PARD3: variants seen among roughly 807,000 people sequenced by gnomAD.
PARD3 encodes the protein partitioning defective 3 homolog.
In PARD3, 75 loss-of-function variants were observed where a neutral mutation model predicts 155.4. The ratio of observed to expected loss-of-function variants is 0.48; its 90% CI spans 0.40 to 0.58. PARD3 has a LOEUF of 0.58. PARD3 is among the 20% of genes least tolerant of loss of function. PARD3 has a pLI of 0.00. For synonymous variants in PARD3, 576 were observed against 610.5 expected (o/e 0.94, Z 0.83); for missense variants, 1,642 against 1,721.7 (o/e 0.95, Z 0.82).
chr10:34,691,018 G>A (rs1344030742), intron 2 of PARD3, among the ~76,000 whole-genome samples: 1 of 152,138 alleles, frequency 6.6e-6, no homozygotes, highest in Non-Finnish European at 1.5e-5. Flanking sequence ...TTTGAGACAA[G>A]CCTTGGCAAC....
intron 22 of PARD3, among the ~76,000 whole-genome samples, chr10:34,155,137 A>G (rs1294211668): frequency 6.6e-6 from 1 of 152,184 alleles, no homozygotes; most frequent in African/African-American, 2.4e-5. Flanking sequence ...CTGGGTTTGG[A>G]GTGAGGAATT....
chr10:34,528,857 G>GC (rs2082648125), intron 2 of PARD3, among the ~76,000 whole-genome samples: 1 of 152,146 alleles, frequency 6.6e-6, no homozygotes, highest in Admixed American at 6.6e-5. Context: ...AGTCATGAGG[G>GC]CCAAGGCTAA....
chr10:34,131,153 A>G (rs189091844), intron 23 of PARD3, among the ~76,000 whole-genome samples: 6 of 152,356 alleles, frequency 3.9e-5, no homozygotes, highest in African/African-American at 9.6e-5. Flanking sequence ...GATTCTGAGA[A>G]TATGTATCTA....
In PARD3 at chr10:34,601,066, C is replaced by T. The variant is rs137996990; in HGVS notation, c.223-83907G>A. On this transcript the variant is annotated intron_variant, in intron 2 of 24. Coordinates refer to ENST00000374788, the MANE Select transcript of PARD3 (RefSeq NM_001184785.2). ...ACTCAAGCAATCCTCCTGCATCGGTCTCCCAAAGTGCACGCATTACAGGCG... is the reference window on the plus strand; with the variant it reads ...ACTCAAGCAATCCTCCTGCATCGGTTTCCCAAAGTGCACGCATTACAGGCG... 2.5e-3 allele frequency among the ~76,000 whole-genome samples: 358 copies of T among 142,778 alleles called. 1 individual carries two copies. The highest frequency in any genetic ancestry group is 8.5e-3 in the African/African-American group (328 of 38,612). 93.7% of individuals were successfully genotyped at this position (142,778 alleles called of 152,430 possible).
At chr10:34,533,219 T>C (rs1425045763) in intron 2 of PARD3, among the ~76,000 whole-genome samples, 1 of 152,080 alleles carries the variant, frequency 6.6e-6, no homozygotes, top group African/African-American at 2.4e-5. Flanking sequence ...AAGTAAACAA[T>C]GTTTTAAGTA....
At chr10:34,337,126 G>T in intron 17 of PARD3, 149 bp downstream of exon 17, 1 of 480,456 alleles carries the variant, frequency 2.1e-6, no homozygotes, top group Non-Finnish European at 3.6e-6. Context: ...TCTCAAACTG[G>T]GAGAAAAACT....
intron 22 of PARD3, among the ~76,000 whole-genome samples, chr10:34,201,622 C>T (rs749057930): frequency 1.3e-5 from 2 of 152,050 alleles, no homozygotes; most frequent in Admixed American, 6.6e-5. Flanking sequence ...AATTAACATA[C>T]AGTAAAATGG....
At chr10:34,424,662 G>A (rs1239387225) in intron 5 of PARD3, among the ~76,000 whole-genome samples, 1 of 151,866 alleles carries the variant, frequency 6.6e-6, no homozygotes, top group East Asian at 1.9e-4. Context: ...CTACAGGCGC[G>A]CACCACCACG....
rs569541230 is a variant in PARD3, at chr10:34,213,138, C to T, written c.3419+56519G>A. Among the ~76,000 whole-genome samples, 223 of 152,240 alleles carry T rather than the reference C, an allele frequency of 1.5e-3. 1 individual carries two copies. Among genetic ancestry groups the T allele is most frequent in the African/African-American group, 4.9e-3 (205 of 41,526 alleles). On this transcript the variant is annotated intron_variant, in intron 22 of 24. Transcript: ENST00000374788. The stretch of plus-strand genomic sequence containing the variant: ...TTTACTTGGCCCACAATTCTGGTGG[C>T]TAGAAGGTTCAAGATTGGGCAGCTG...
intron 1 of PARD3, among the ~76,000 whole-genome samples, chr10:34,708,988 C>A (rs1193820058): frequency 6.6e-6 from 1 of 152,058 alleles, no homozygotes; most frequent in Non-Finnish European, 1.5e-5. Flanking sequence ...GCCATGTCTG[C>A]AAATAGTGCA....
intron 6 of PARD3, among the ~76,000 whole-genome samples, chr10:34,399,833 C>A (rs1652223392): frequency 6.6e-6 from 1 of 152,202 alleles, no homozygotes; most frequent in African/African-American, 2.4e-5. Context: ...GATGTTGCAG[C>A]TACCAAGGAC....
intron 2 of PARD3, among the ~76,000 whole-genome samples, chr10:34,624,989 G>A (rs2091908390): frequency 6.6e-6 from 1 of 152,178 alleles, no homozygotes; most frequent in Non-Finnish European, 1.5e-5. Context: ...ACATACAAGA[G>A]CTAAGAAAGG....
Position 34,113,924 on chromosome 10 carries a change from G to A in PARD3, c.3669-2362C>T, listed in dbSNP as rs558973032. On this transcript the variant is annotated intron_variant, in intron 24 of 24. Coordinates refer to ENST00000374788, the MANE Select transcript of PARD3 (RefSeq NM_001184785.2). ...GTAAGTGATTGACTAATAGGTCCCG[G>A]AGGAGTAGTTTGAAGACAAAGTCAC... Among the ~76,000 whole-genome samples the A allele has an allele frequency of 1.3e-3, 202 of 152,332 alleles. 1 individual carries two copies. The highest frequency in any genetic ancestry group is 4.8e-3 in the African/African-American group (199 of 41,574).
At chr10:34,470,931 C>G (rs1454792978) in intron 3 of PARD3, among the ~76,000 whole-genome samples, 2 of 152,006 alleles carry the variant, frequency 1.3e-5, no homozygotes, top group Non-Finnish European at 2.9e-5. Context: ...TCCTAATTAC[C>G]TAGATTTGAC....
intron 5 of PARD3, among the ~76,000 whole-genome samples, chr10:34,416,457 T>C (rs193115026): frequency 1.7e-4 from 26 of 152,254 alleles, no homozygotes; most frequent in Admixed American, 6.5e-4. Context: ...TGAGACTATG[T>C]CAGAAGAAGG....
intron 1 of PARD3, among the ~76,000 whole-genome samples, chr10:34,747,483 C>A (rs1313047458): frequency 6.6e-6 from 1 of 152,186 alleles, no homozygotes; most frequent in Non-Finnish European, 1.5e-5. Context: ...AAAAATGGAT[C>A]GCTAAATGCA....
At chr10:34,336,386 C>A in intron 17 of PARD3, 143 bp from the exon 18 acceptor site, 1 of 590,860 alleles carries the variant, frequency 1.7e-6, no homozygotes, top group Non-Finnish European at 3.0e-6. Flanking sequence ...AGCAAACATT[C>A]ATAATCAAAA....
chr10:34,549,863 A>C (rs2133958090), intron 2 of PARD3, among the ~76,000 whole-genome samples: 1 of 152,068 alleles, frequency 6.6e-6, no homozygotes, highest in Non-Finnish European at 1.5e-5. Flanking sequence ...ACAGAAGGTA[A>C]GAAGGTTCTG....
At chr10:34,447,206 G>A (rs775943232) in intron 5 of PARD3, among the ~76,000 whole-genome samples, 1 of 152,056 alleles carries the variant, frequency 6.6e-6, no homozygotes, top group Non-Finnish European at 1.5e-5. Flanking sequence ...ATACAGCCGG[G>A]TAGAGTGGCT....
Sources: gnomAD v4.1 joint callset for allele counts (sites outside exome capture counted in the v4.1 genomes callset) on GRCh38, gnomAD v4.1.1 for gene constraint, MANE v1.5 for transcripts, NCBI Gene and HGNC (gene_info 2026-07-23, HGNC 2026-07-21) for gene names.